The following ADTRP variants were observed in gnomAD, a reference collection of about 807,000 sequenced individuals.
The protein encoded by ADTRP is androgen-dependent TFPI-regulating protein.
ADTRP carries 20 observed loss-of-function variants against 27.0 expected under a neutral mutation model. The ratio of observed to expected loss-of-function variants is 0.74; its 90% CI spans 0.52 to 1.08. The LOEUF is 1.08. ADTRP is among the 50% of genes least tolerant of loss of function. The probability of loss-of-function intolerance (pLI) is 0.00; values close to 1 mark genes in which losing one functional copy is unlikely to be tolerated. For synonymous variants in ADTRP, 101 were observed against 105.2 expected (o/e 0.96, Z 0.25); for missense variants, 251 against 275.0 (o/e 0.91, Z 0.62).
In ADTRP at chr6:11,714,389, A is replaced by T; in HGVS notation, c.*89T>A. On this transcript the variant is annotated 3_prime_UTR_variant, in exon 6 of 6. Transcript: ENST00000414691. The stretch of plus-strand genomic sequence containing the variant: ...CCCTCCTACTTTGCTATGTTCCTCC[A>T]CCACCTCCCTCCACCAGAAAAAAAA... 1 of 1,463,592 alleles carries T rather than the reference A, an allele frequency of 6.8e-7. No homozygotes were observed. Among genetic ancestry groups the T allele is most frequent in the African/African-American group, 1.6e-5 (1 of 62,622 alleles). The allele number at this position is 1,463,592 out of a possible 1,614,324, so 90.7% of individuals were successfully genotyped here.
chr6:11,741,731 A>C (rs57606064), intron 3 of ADTRP, among the ~76,000 whole-genome samples: 42,712 of 151,504 alleles, frequency 0.28, 7,165 homozygotes, highest in East Asian at 0.67. Flanking sequence ...TAAAAAAAAA[A>C]GATATGGGAT....
chr6:11,764,364 A>T (rs1763486039), intron 3 of ADTRP, among the ~76,000 whole-genome samples: 2 of 152,314 alleles, frequency 1.3e-5, no homozygotes, highest in South Asian at 4.1e-4. Context: ...CATTGTGAAA[A>T]AAGCTACAAG....
chr6:11,718,157 T>C (rs1488646714), intron 5 of ADTRP, among the ~76,000 whole-genome samples: 1 of 152,246 alleles, frequency 6.6e-6, no homozygotes, highest in Non-Finnish European at 1.5e-5. Context: ...GCTGGAATTT[T>C]CAGCTTACAG....
chr6:11,776,126 G>A (rs1255908869), intron 1 of ADTRP, among the ~76,000 whole-genome samples: 3 of 152,194 alleles, frequency 2.0e-5, no homozygotes, highest in South Asian at 4.1e-4. Flanking sequence ...ACATTAAATC[G>A]ATCCTCTGAA....
At chr6:11,734,237 A>C (rs796108356) in intron 4 of ADTRP, among the ~76,000 whole-genome samples, 67 of 152,364 alleles carry the variant, frequency 4.4e-4, no homozygotes, top group African/African-American at 1.5e-3. Flanking sequence ...CCTTTGTATT[A>C]AGCCAGATAT....
intron 4 of ADTRP, among the ~76,000 whole-genome samples, chr6:11,733,733 G>A (rs1018226441): frequency 5.9e-5 from 9 of 152,148 alleles, no homozygotes; most frequent in African/African-American, 2.2e-4. Flanking sequence ...AATGGATAAC[G>A]ATGCACTTGT....
chr6:11,722,385 C>T (rs993618179), intron 5 of ADTRP, among the ~76,000 whole-genome samples: 2 of 152,000 alleles, frequency 1.3e-5, no homozygotes, highest in Non-Finnish European at 2.9e-5. Context: ...GTTTTTTTTG[C>T]ATACACGGGC....
At chr6:11,757,094 A>G (rs1202737277) in intron 3 of ADTRP, among the ~76,000 whole-genome samples, 1 of 152,148 alleles carries the variant, frequency 6.6e-6, no homozygotes, top group East Asian at 1.9e-4. Flanking sequence ...ATATATTTTT[A>G]CTCTCTTCTT....
At position 11,731,842 on chromosome 6, in the gene ADTRP, C is replaced by T. The variant is rs79528930; in HGVS notation, c.506+3726G>A. ...GTCATCTCCACTTATTAAGGATAAACCCCCTGCAGGCTGAAGCTTGGCCTG... is the reference window on the plus strand; with the variant it reads ...GTCATCTCCACTTATTAAGGATAAATCCCCTGCAGGCTGAAGCTTGGCCTG... On this transcript the variant is annotated intron_variant, in intron 4 of 5. Coordinates refer to ENST00000414691, the MANE Select transcript of ADTRP (RefSeq NM_032744.4). 8.2e-3 allele frequency among the ~76,000 whole-genome samples: 1,245 copies of T among 152,258 alleles called. 7 individuals are homozygous for T. The highest frequency in any genetic ancestry group is 0.014 in the Middle Eastern group (4 of 294).
intron 4 of ADTRP, among the ~76,000 whole-genome samples, chr6:11,723,959 C>T (rs1016527548): frequency 6.6e-6 from 1 of 152,022 alleles, no homozygotes. Context: ...ACTAGGGAGG[C>T]GGAGGAAGAA....
Position 11,717,928 on chromosome 6 carries a change from C to A in ADTRP, c.659-3416G>T, listed in dbSNP as rs1343050951. On this transcript the variant is annotated intron_variant, in intron 5 of 5. Transcript: ENST00000414691. ...GCTTTAGAAGTACCTGTGGAGTCAT[C>A]GCATGATAAAATTCTTTTGCTATGG... Among the ~76,000 whole-genome samples, 4 of 152,216 alleles carry A rather than the reference C, an allele frequency of 2.6e-5. No individual in the cohort carries two copies. In the East Asian group the frequency reaches 7.7e-4, roughly 29 times the overall value.
chr6:11,719,159 C>G (rs543447297), intron 5 of ADTRP, among the ~76,000 whole-genome samples: 1 of 152,312 alleles, frequency 6.6e-6, no homozygotes, highest in East Asian at 1.9e-4. Context: ...ACAGAATTAT[C>G]CACATTGGGA....
intron 3 of ADTRP, among the ~76,000 whole-genome samples, chr6:11,762,945 T>C (rs1455235577): frequency 6.6e-6 from 1 of 152,232 alleles, no homozygotes; most frequent in East Asian, 1.9e-4. Flanking sequence ...CTATCTTTAG[T>C]AGGCATTTAG....
At chr6:11,769,329 G>A (rs558423400) in intron 1 of ADTRP, among the ~76,000 whole-genome samples, 1 of 152,238 alleles carries the variant, frequency 6.6e-6, no homozygotes, top group South Asian at 2.1e-4. Flanking sequence ...AGCTGGGCTG[G>A]GGATTGATCA....
chr6:11,722,045 T>C (rs985084016), intron 5 of ADTRP, among the ~76,000 whole-genome samples: 2 of 152,080 alleles, frequency 1.3e-5, no homozygotes, highest in African/African-American at 4.8e-5. Flanking sequence ...AGAGAGAGAT[T>C]TGGGGAGGCA....
intron 4 of ADTRP, among the ~76,000 whole-genome samples, chr6:11,729,179 T>A (rs138325756): frequency 6.6e-6 from 1 of 152,302 alleles, no homozygotes; most frequent in Middle Eastern, 3.4e-3. Context: ...TTTGGGCATA[T>A]AATTCTTTCT....
intron 3 of ADTRP, among the ~76,000 whole-genome samples, chr6:11,746,418 G>T (rs1762867571): frequency 6.6e-6 from 1 of 152,152 alleles, no homozygotes; most frequent in Non-Finnish European, 1.5e-5. Flanking sequence ...ATAAGTCTTT[G>T]TGGTGGGGGG....
At chr6:11,715,708 C>A (rs1343565069) in intron 5 of ADTRP, among the ~76,000 whole-genome samples, 7 of 139,218 alleles carry the variant, frequency 5.0e-5, no homozygotes, top group African/African-American at 1.9e-4. Context: ...TACGGTGGCA[C>A]AATCTCAGCT....
intron 3 of ADTRP, among the ~76,000 whole-genome samples, chr6:11,744,645 T>G (rs1762813412): frequency 6.6e-6 from 1 of 152,170 alleles, no homozygotes; most frequent in African/African-American, 2.4e-5. Flanking sequence ...CCCCTCCTCT[T>G]CATCAATCTG....
Sources: gnomAD v4.1 joint callset for allele counts (sites outside exome capture counted in the v4.1 genomes callset) on GRCh38, gnomAD v4.1.1 for gene constraint, MANE v1.5 for transcripts, NCBI Gene and HGNC (gene_info 2026-07-23, HGNC 2026-07-21) for gene names.